CHRNA7: variants seen among roughly 807,000 people sequenced by gnomAD.
The protein encoded by CHRNA7 is cholinergic receptor nicotinic alpha 7 subunit.
CHRNA7 carries 17 observed loss-of-function variants against 48.0 expected under a neutral mutation model. The observed-to-expected ratio is 0.35, with a 90% CI of 0.24 to 0.53. The LOEUF is 0.53. Among genes scored for constraint, CHRNA7 ranks in the 20% least tolerant of loss-of-function variants. The probability of loss-of-function intolerance (pLI) is 0.92; values close to 1 mark genes in which losing one functional copy is unlikely to be tolerated. For missense variants in CHRNA7, 155 were observed against 577.7 expected, an observed-to-expected ratio of 0.27 and a Z score of 7.50; for synonymous variants, 75 against 242.3, an observed-to-expected ratio of 0.31 and a Z score of 6.41.
chr15:32,054,726 A>C (rs2049755034), intron 2 of CHRNA7, among the ~76,000 whole-genome samples: 1 of 152,200 alleles, frequency 6.6e-6, no homozygotes, highest in Admixed American at 6.5e-5. Context: ...TGAGCCACCC[A>C]AGTTGTTGTC....
At chr15:32,030,834 A>T (rs1901788257) in intron 1 of CHRNA7, 64 bp from the exon 2 acceptor site, 1 of 1,570,070 alleles carries the variant, frequency 6.4e-7, no homozygotes, top group East Asian at 2.3e-5. Flanking sequence ...CGCCGGCAGG[A>T]GGGAGTCGGG....
chr15:32,078,358 A>G (rs1188288601), intron 2 of CHRNA7, among the ~76,000 whole-genome samples: 2 of 152,070 alleles, frequency 1.3e-5, no homozygotes, highest in African/African-American at 4.8e-5. Flanking sequence ...TGCATTTTAC[A>G]TTTAGGTCTG....
At chr15:32,133,586 GA>G (rs1198965633) in intron 4 of CHRNA7, among the ~76,000 whole-genome samples, 3 of 152,112 alleles carry the variant, frequency 2.0e-5, no homozygotes, top group Admixed American at 2.0e-4. Context: ...TGAGAAGTTG[GA>G]ATTGAAAAAA....
chr15:32,115,017 C>A (rs1399160702), intron 4 of CHRNA7, among the ~76,000 whole-genome samples: 1 of 152,226 alleles, frequency 6.6e-6, no homozygotes, highest in Admixed American at 6.5e-5. Context: ...CGGTGTCCCC[C>A]AGCTTGGTGG....
chr15:32,114,079 CAT>C (rs1491226007), intron 4 of CHRNA7, among the ~76,000 whole-genome samples: 16 of 112,558 alleles, frequency 1.4e-4, no homozygotes, highest in Middle Eastern at 5.2e-3. Context: ...TATATATACA[CAT>C]ACATACATAC....
Position 32,114,057 on chromosome 15 carries a change from T to TACAC in CHRNA7, c.350+2159_350+2160insCACA, listed in dbSNP as rs1423938803. Among the ~76,000 whole-genome samples the TACAC allele has an allele frequency of 1.8e-3, 61 of 34,176 alleles. 2 individuals carry two copies. Among genetic ancestry groups the TACAC allele is most frequent in the African/African-American group, 3.2e-3 (55 of 17,280 alleles). 22.4% of individuals were successfully genotyped at this position (34,176 alleles called of 152,430 possible). A position where few individuals can be genotyped will look rare whatever the true frequency, so the allele number is the denominator to read the frequency against. On this transcript the variant is annotated intron_variant, in intron 4 of 9. Transcript: ENST00000306901. ...ATATATATATATGTATATATATATA[T>TACAC]ATACATATATATATATATACACATA...
intron 2 of CHRNA7, among the ~76,000 whole-genome samples, chr15:32,047,464 T>C (rs1199826998): frequency 6.6e-6 from 1 of 152,126 alleles, no homozygotes; most frequent in African/African-American, 2.4e-5. Context: ...ATGATTTGGC[T>C]CTCTGTTTGT....
chr15:32,112,729 A>G (rs532702390), intron 4 of CHRNA7, among the ~76,000 whole-genome samples: 1 of 152,284 alleles, frequency 6.6e-6, no homozygotes, highest in East Asian at 1.9e-4. Context: ...AGTGTGACCA[A>G]ATTGCCCTCC....
At chr15:32,117,850 A>G (rs1272324512) in intron 4 of CHRNA7, among the ~76,000 whole-genome samples, 3 of 152,170 alleles carry the variant, frequency 2.0e-5, no homozygotes, top group African/African-American at 7.2e-5. Flanking sequence ...GCTGGTGCTC[A>G]AAGGCTCATA....
intron 2 of CHRNA7, among the ~76,000 whole-genome samples, chr15:32,080,617 G>A (rs1476703199): frequency 1.3e-5 from 2 of 152,118 alleles, no homozygotes; most frequent in Non-Finnish European, 2.9e-5. Context: ...CAGTCAGAAT[G>A]GCGATTATTA....
chr15:32,141,301 A>T (rs1254430549), intron 4 of CHRNA7, among the ~76,000 whole-genome samples: 2 of 152,226 alleles, frequency 1.3e-5, no homozygotes, highest in East Asian at 3.8e-4. Flanking sequence ...TGGTACCAGT[A>T]CCATGCTGTT....
At chr15:32,122,953 GA>G (rs1403381285) in intron 4 of CHRNA7, among the ~76,000 whole-genome samples, 1 of 150,572 alleles carries the variant, frequency 6.6e-6, no homozygotes, top group Non-Finnish European at 1.5e-5. Context: ...TTCAAATATT[GA>G]AGGGCAATTA....
At chr15:32,147,190 T>C (rs1467818858) in intron 4 of CHRNA7, among the ~76,000 whole-genome samples, 1 of 152,060 alleles carries the variant, frequency 6.6e-6, no homozygotes, top group African/African-American at 2.4e-5. Context: ...GAGTGGGAGC[T>C]AAACACTGGG....
At chr15:32,144,355 CT>C (rs2051443386) in intron 4 of CHRNA7, among the ~76,000 whole-genome samples, 3 of 152,160 alleles carry the variant, frequency 2.0e-5, no homozygotes, top group Admixed American at 6.5e-5. Flanking sequence ...CATTTTTTCC[CT>C]TCATTTCAAC....
Position 32,041,328 on chromosome 15 carries a change from G to A in CHRNA7, c.195+10291G>A, listed in dbSNP as rs547542432. ...GAAGACAATTTTTCCATAGACTGTC[G>A]GGGGCCATGGTTTTGGGATGAAACT... is the stretch of plus-strand genomic sequence containing the variant. On this transcript the variant is annotated intron_variant, in intron 2 of 9. Coordinates refer to ENST00000306901, the MANE Select transcript of CHRNA7 (RefSeq NM_000746.6). Among the ~76,000 whole-genome samples, 142 of 152,252 alleles carry A rather than the reference G, an allele frequency of 9.3e-4. 1 individual carries two copies. Among genetic ancestry groups the A allele is most frequent in the African/African-American group, 3.3e-3 (139 of 41,538 alleles).
rs562098682 is a variant in CHRNA7 at position 32,109,725 on chromosome 15, G to A, written c.241-2065G>A. ...TGAACCCTGGCGTCCTCTTGTAAAT[G>A]GAAGCAGTCATATCACTGACCCCCC... On this transcript the variant is annotated intron_variant, in intron 3 of 9. Transcript: ENST00000306901. Among the ~76,000 whole-genome samples, 24 of 152,324 alleles carry A rather than the reference G, an allele frequency of 1.6e-4. 1 individual carries two copies. Among genetic ancestry groups the A allele is most frequent in the Middle Eastern group, 3.4e-3 (1 of 294 alleles).
At chr15:32,072,170 ATAAC>A (rs2050068493) in intron 2 of CHRNA7, among the ~76,000 whole-genome samples, 1 of 152,240 alleles carries the variant, frequency 6.6e-6, no homozygotes. Flanking sequence ...ACCCTAGCAG[ATAAC>A]TAGGCTGCAT....
chr15:32,143,021 T>C (rs551476060), intron 4 of CHRNA7, among the ~76,000 whole-genome samples: 22 of 152,342 alleles, frequency 1.4e-4, no homozygotes, highest in Admixed American at 1.4e-3. Context: ...AGGATGTCAA[T>C]TTTAGATCTT....
chr15:32,040,195 T>A (rs947178130), intron 2 of CHRNA7, among the ~76,000 whole-genome samples: 15 of 152,090 alleles, frequency 9.9e-5, no homozygotes, highest in Non-Finnish European at 1.5e-4. Flanking sequence ...TGTTTTTTGT[T>A]CTACTCTTAC....
Sources: allele counts gnomAD v4.1 joint callset (sites outside exome capture counted in the v4.1 genomes callset), GRCh38; gene constraint gnomAD v4.1.1; transcripts MANE v1.5; gene names NCBI Gene and HGNC (gene_info 2026-07-23, HGNC 2026-07-21).